The following DDHD1 variants were observed in gnomAD, a reference collection of about 807,000 sequenced individuals.
The protein encoded by DDHD1 is phospholipase DDHD1.
In DDHD1, 49 loss-of-function variants were observed where a neutral mutation model predicts 96.4. The observed-to-expected ratio is 0.51, with a 90% CI of 0.40 to 0.64. The LOEUF is 0.64. DDHD1 is among the 30% of genes least tolerant of loss of function. The pLI, the probability that DDHD1 is intolerant of heterozygous loss-of-function variation, is 0.00. For synonymous variants in DDHD1, 442 were observed against 446.5 expected (o/e 0.99, Z 0.13); for missense variants, 1,106 against 1,161.2 (o/e 0.95, Z 0.69).
chr14:53,091,994 T>C (rs527812311), intron 3 of DDHD1, 62 bp from the exon 4 acceptor site: 4 of 1,489,626 alleles, frequency 2.7e-6, no homozygotes, highest in Non-Finnish European at 3.6e-6. Context: ...TTCCACAATA[T>C]GTTAAAAGAA....
At chr14:53,097,684 TTATTAAA>T (rs1057323042) in intron 2 of DDHD1, among the ~76,000 whole-genome samples, 1 of 151,978 alleles carries the variant, frequency 6.6e-6, no homozygotes, top group Non-Finnish European at 1.5e-5. Context: ...CAATTCCATA[TTATTAAA>T]TATTAAACGA....
intron 4 of DDHD1, among the ~76,000 whole-genome samples, chr14:53,077,691 T>C (rs1885096229): frequency 6.6e-6 from 1 of 150,536 alleles, no homozygotes. Flanking sequence ...TAAAAAACAA[T>C]TGTGGCTTTT....
rs540743332 is a variant in DDHD1 at position 53,116,270 on chromosome 14, A to T, written c.839-12414T>A. On this transcript the variant is annotated intron_variant, in intron 1 of 12. Coordinates refer to ENST00000673822, the MANE Select transcript of DDHD1 (RefSeq NM_001160148.2). ...AAGAGACTTAAGACTCCCACACAAT[A>T]ATAATAGGAGACTTTAACTACCACT... Among the ~76,000 whole-genome samples, 25 of 152,342 alleles carry T rather than the reference A, an allele frequency of 1.6e-4. No individual in the cohort carries two copies. In the South Asian group the frequency reaches 4.8e-3, roughly 29 times the overall value.
Position 53,037,843 on chromosome 14 carries a change from G to C in DDHD1, c.*8925C>G, listed in dbSNP as rs1353677377. 1 of 152,004 alleles carries C rather than the reference G, an allele frequency of 6.6e-6. No individual in the cohort carries two copies. Among genetic ancestry groups the C allele is most frequent in the Non-Finnish European group, 1.5e-5 (1 of 67,962 alleles). The allele number at this position is 152,004 out of a possible 1,614,324, so 9.4% of individuals were successfully genotyped here. A position where few individuals can be genotyped will look rare whatever the true frequency, so the allele number is the denominator to read the frequency against. On this transcript the variant is annotated 3_prime_UTR_variant, in exon 13 of 13. Transcript: ENST00000673822. ...AGGGTATTTCCTAGGTTTTCTTCTA[G>C]GATTTTTACAGTTTGAGGTCTTACA...
chr14:53,099,936 G>GT (rs984785280), intron 2 of DDHD1, among the ~76,000 whole-genome samples: 3 of 151,550 alleles, frequency 2.0e-5, no homozygotes, highest in African/African-American at 2.4e-5. Flanking sequence ...AAATTTTCAT[G>GT]TTTTTTTTAA....
rs187477777 is a variant in DDHD1 at position 53,045,917 on chromosome 14, A to G, written c.*851T>C. The G allele has an allele frequency of 6.6e-6, 1 of 152,382 alleles. No individual in the cohort carries two copies. Among genetic ancestry groups the G allele is most frequent in the Admixed American group, 6.5e-5 (1 of 15,304 alleles). The allele number at this position is 152,382 out of a possible 1,614,324, so 9.4% of individuals were successfully genotyped here. On this transcript the variant is annotated 3_prime_UTR_variant, in exon 13 of 13. Coordinates refer to ENST00000673822, the MANE Select transcript of DDHD1 (RefSeq NM_001160148.2). ...TACTAGTTTTCTAATAAAGCTAATGAAATGTACCCATTATGGAGTACTCCG... is the reference window on the plus strand; with the variant it reads ...TACTAGTTTTCTAATAAAGCTAATGGAATGTACCCATTATGGAGTACTCCG...
At chr14:53,132,272 C>A (rs1467179065) in intron 1 of DDHD1, among the ~76,000 whole-genome samples, 3 of 152,172 alleles carry the variant, frequency 2.0e-5, no homozygotes, top group Non-Finnish European at 2.9e-5. Context: ...TCTGTCCAAA[C>A]AACTTGACCT....
At chr14:53,099,078 G>A (rs1461551239) in intron 2 of DDHD1, among the ~76,000 whole-genome samples, 2 of 151,036 alleles carry the variant, frequency 1.3e-5, no homozygotes, top group African/African-American at 4.9e-5. Context: ...CCTTTTTCTT[G>A]GTTTATTTTG....
At chr14:53,141,642 C>A (rs537031448) in intron 1 of DDHD1, among the ~76,000 whole-genome samples, 86 of 152,310 alleles carry the variant, frequency 5.6e-4, no homozygotes, top group African/African-American at 2.0e-3. Flanking sequence ...CAGAGGCAAT[C>A]AGAAGCTGAA....
intron 6 of DDHD1, among the ~76,000 whole-genome samples, chr14:53,072,110 C>T (rs1884558683): frequency 6.6e-6 from 1 of 152,124 alleles, no homozygotes; most frequent in Non-Finnish European, 1.5e-5. Flanking sequence ...TCCTTTCCCT[C>T]TTATCAATAA....
chr14:53,148,429 C>T (rs1197555836), intron 1 of DDHD1, among the ~76,000 whole-genome samples: 2 of 152,084 alleles, frequency 1.3e-5, no homozygotes, highest in African/African-American at 4.8e-5. Flanking sequence ...TCTCCTGCCT[C>T]AGCCTCCTGA....
intron 1 of DDHD1, among the ~76,000 whole-genome samples, chr14:53,108,346 C>T (rs928952779): frequency 7.2e-5 from 11 of 152,294 alleles, no homozygotes; most frequent in Non-Finnish European, 1.0e-4. Context: ...CCGTGACCCA[C>T]GGCTTCTAAT....
intron 1 of DDHD1, among the ~76,000 whole-genome samples, chr14:53,109,671 C>T (rs1887963681): frequency 6.6e-6 from 1 of 152,016 alleles, no homozygotes; most frequent in Admixed American, 6.6e-5. Context: ...TGGACAGTTG[C>T]CATTATCTTC....
intron 1 of DDHD1, among the ~76,000 whole-genome samples, chr14:53,120,446 T>A (rs1888899963): frequency 6.6e-6 from 1 of 152,090 alleles, no homozygotes. Context: ...TAGAAAAAAA[T>A]ACTTTAAATT....
chr14:53,133,677 C>T (rs145202025), intron 1 of DDHD1, among the ~76,000 whole-genome samples: 139 of 152,232 alleles, frequency 9.1e-4, no homozygotes, highest in East Asian at 6.0e-3. Flanking sequence ...CCTGTATGGA[C>T]GCTCTTTTTC....
chr14:53,057,153 G>C (rs1375348355), intron 9 of DDHD1, among the ~76,000 whole-genome samples: 1 of 152,156 alleles, frequency 6.6e-6, no homozygotes, highest in African/African-American at 2.4e-5. Context: ...TTTAACATAT[G>C]AGAGATTTTC....
chr14:53,073,589 T>A, intron 5 of DDHD1, 152 bp downstream of exon 5: 1 of 596,178 alleles, frequency 1.7e-6, no homozygotes, highest in Non-Finnish European at 2.9e-6. Flanking sequence ...TTTTATTTTC[T>A]TAATCTAGAA....
chr14:53,088,676 TA>T lies in DDHD1; in HGVS notation c.1289+3108del, dbSNP rs533359322. On this transcript the variant is annotated intron_variant, in intron 4 of 12. Coordinates refer to ENST00000673822, the MANE Select transcript of DDHD1 (RefSeq NM_001160148.2). ...GGTATTGATGGAACATATCTCAAAA[TA>T]ATAAGAGCTATTTATGACAAAACCA... is the stretch of plus-strand genomic sequence containing the variant. 3.6e-3 allele frequency among the ~76,000 whole-genome samples: 548 copies of T among 152,290 alleles called. 6 individuals carry two copies. The highest frequency in any genetic ancestry group is 0.013 in the African/African-American group (522 of 41,552).
chr14:53,105,680 T>C (rs1244425174), intron 1 of DDHD1, among the ~76,000 whole-genome samples: 1 of 152,190 alleles, frequency 6.6e-6, no homozygotes, highest in Non-Finnish European at 1.5e-5. Flanking sequence ...ATCACTGTTT[T>C]ATATGTCTCT....
Sources: gnomAD v4.1 joint callset for allele counts (sites outside exome capture counted in the v4.1 genomes callset) on GRCh38, gnomAD v4.1.1 for gene constraint, MANE v1.5 for transcripts, NCBI Gene and HGNC (gene_info 2026-07-23, HGNC 2026-07-21) for gene names.